PGLS: variants seen among roughly 807,000 people sequenced by gnomAD.
PGLS encodes the protein 6-phosphogluconolactonase, also known as epididymis secretory protein Li 304.
A neutral mutation model predicts 23.2 loss-of-function variants in PGLS; 21 were observed. The observed-to-expected ratio is 0.91, with a 90% CI of 0.64 to 1.31. The LOEUF is 1.31. Ranked by LOEUF, PGLS falls within the 50% of genes most tolerant of loss-of-function variation. The probability of loss-of-function intolerance (pLI) is 0.00; values close to 1 mark genes in which losing one functional copy is unlikely to be tolerated. For synonymous variants in PGLS, 179 were observed against 165.4 expected (o/e 1.08, Z -0.63); for missense variants, 410 against 354.0 (o/e 1.16, Z -1.27).
chr19:17,515,671 G>T (rs919987515), intron 1 of PGLS: 4 of 155,080 alleles, frequency 2.6e-5, no homozygotes, highest in Non-Finnish European at 4.3e-5. Flanking sequence ...GATGGAGAAG[G>T]TTACCCTTCT....
chr19:17,511,667 C>T lies in PGLS; in HGVS notation c.-6C>T. On this transcript the variant is annotated 5_prime_UTR_variant, in exon 1 of 5. Coordinates refer to ENST00000252603, the MANE Select transcript of PGLS (RefSeq NM_012088.3). ...GCGCTTCCTCCTCCCCGCCGCCGCC[C>T]TCGCCATGGCCGCGCCGGCCCCGGG... The T allele has an allele frequency of 6.8e-7, 1 of 1,477,250 alleles. No individual in the cohort carries two copies. The highest frequency in any genetic ancestry group is 1.3e-5 in the South Asian group (1 of 78,466). 91.5% of individuals were successfully genotyped at this position (1,477,250 alleles called of 1,614,324 possible).
rs1401098925 is a variant in PGLS, at chr19:17,512,041, G to A, written c.288+81G>A. 4.3e-6 allele frequency: 6 copies of A among 1,402,792 alleles called. No individual in the cohort carries two copies. In the Admixed American group the frequency reaches 1.3e-4, roughly 30 times the overall value. 86.9% of individuals were successfully genotyped at this position (1,402,792 alleles called of 1,614,324 possible). A position where few individuals can be genotyped will look rare whatever the true frequency, so the allele number is the denominator to read the frequency against. The stretch of plus-strand genomic sequence containing the variant: ...ACACCCCGGCTACGGAGGCCGCCGG[G>A]GGCCATGCCGAAAGGGCCGCGCCCA... On this transcript the variant is annotated intron_variant, in intron 1 of 4. Transcript: ENST00000252603.
chr19:17,512,017 C>T, intron 1 of PGLS, 57 bp downstream of exon 1: 2 of 1,476,484 alleles, frequency 1.4e-6, no homozygotes, highest in South Asian at 1.3e-5. Context: ...CCACCGCCTA[C>T]ACCCCGGCTA....
intron 1 of PGLS, among the ~76,000 whole-genome samples, chr19:17,515,198 C>T (rs534284744): frequency 2.6e-5 from 4 of 152,280 alleles, no homozygotes; most frequent in African/African-American, 4.8e-5. Flanking sequence ...ACTATGGATA[C>T]GATTGTGTCC....
chr19:17,516,870 G>A (rs1471102920), intron 2 of PGLS, among the ~76,000 whole-genome samples: 1 of 149,124 alleles, frequency 6.7e-6, no homozygotes, highest in Non-Finnish European at 1.5e-5. Context: ...ATAGGCGTGA[G>A]CCACCATGGG....
At chr19:17,518,000 G>C in intron 4 of PGLS, 150 bp downstream of exon 4, 12 of 304,320 alleles carry the variant, frequency 3.9e-5, no homozygotes, top group Middle Eastern at 9.2e-4. Flanking sequence ...ATTGCAATTA[G>C]AAAAAAAGGA....
intron 1 of PGLS, among the ~76,000 whole-genome samples, chr19:17,515,351 C>G (rs2075527667): frequency 6.6e-6 from 1 of 152,168 alleles, no homozygotes; most frequent in Non-Finnish European, 1.5e-5. Flanking sequence ...GAGCTAGACT[C>G]TGCACAAACA....
chr19:17,516,466 G>A, intron 2 of PGLS, 186 bp downstream of exon 2: 1 of 1,397,104 alleles, frequency 7.2e-7, no homozygotes, highest in East Asian at 2.7e-5. Context: ...CTCGGCCTCT[G>A]TTGCCCAGGT....
chr19:17,516,488 G>A lies in PGLS; in HGVS notation c.396+208G>A, dbSNP rs570399077. The A allele has an allele frequency of 2.9e-6, 4 of 1,376,932 alleles. No homozygotes were observed. The Admixed American group carries it at 9.0e-5, about 31-fold the overall frequency. The allele number at this position is 1,376,932 out of a possible 1,614,324, so 85.3% of individuals were successfully genotyped here. On this transcript the variant is annotated intron_variant, in intron 2 of 4. Transcript: ENST00000252603. The stretch of plus-strand genomic sequence containing the variant: ...TCTGTTGCCCAGGTAACAGGCCTGG[G>A]TCCTCACATCTTGGGGAAATATGAT...
intron 4 of PGLS, 113 bp downstream of exon 4, chr19:17,517,963 C>G: frequency 1.4e-6 from 1 of 739,004 alleles, no homozygotes; most frequent in South Asian, 2.7e-5. Context: ...AAAACTCAGT[C>G]ATTCTTGGGT....
chr19:17,512,030 G>GGGTGGCT, intron 1 of PGLS, 70 bp downstream of exon 1: 1 of 1,437,038 alleles, frequency 7.0e-7, no homozygotes, highest in Non-Finnish European at 9.2e-7. Context: ...CCCGGCTACG[G>GGGTGGCT]AGGCCGCCGG....
intron 1 of PGLS, 79 bp downstream of exon 1, chr19:17,512,039 G>A (rs1449729286): frequency 6.4e-6 from 9 of 1,406,016 alleles, no homozygotes; most frequent in Non-Finnish European, 6.6e-6. Flanking sequence ...GGAGGCCGCC[G>A]GGGGCCATGC....
At chr19:17,518,728 A>C (rs2075544746) in intron 4 of PGLS, 1 of 151,924 alleles carries the variant, frequency 6.6e-6, no homozygotes, top group Non-Finnish European at 1.5e-5. Flanking sequence ...AGGGGGTTTC[A>C]CCATGTTGGC....
chr19:17,516,550 G>A, intron 2 of PGLS: 2 of 1,189,634 alleles, frequency 1.7e-6, no homozygotes, highest in Non-Finnish European at 2.1e-6. Context: ...GCTACATTGA[G>A]CACTGTTTCC....
At chr19:17,519,811 G>A (rs2075549177) in intron 4 of PGLS, among the ~76,000 whole-genome samples, 1 of 152,172 alleles carries the variant, frequency 6.6e-6, no homozygotes, top group South Asian at 2.1e-4. Flanking sequence ...TGGATGGTCT[G>A]CAGAGCTTAA....
chr19:17,520,276 G>T (rs554025524), intron 4 of PGLS: 3 of 152,086 alleles, frequency 2.0e-5, no homozygotes, highest in Non-Finnish European at 2.9e-5. Flanking sequence ...GGCCAGGCGC[G>T]GTGGCTAACG....
chr19:17,515,199 G>A (rs2075526955), intron 1 of PGLS, among the ~76,000 whole-genome samples: 1 of 152,126 alleles, frequency 6.6e-6, no homozygotes, highest in African/African-American at 2.4e-5. Flanking sequence ...CTATGGATAC[G>A]ATTGTGTCCC....
At chr19:17,520,845 A>C (rs567764794) in intron 4 of PGLS, 99 bp from the exon 5 acceptor site, 1 of 1,331,084 alleles carries the variant, frequency 7.5e-7, no homozygotes, top group East Asian at 2.8e-5. Flanking sequence ...TTTTGAGGAT[A>C]CAAGAGTCTT....
At chr19:17,515,911 G>A (rs2075530195) in intron 1 of PGLS, 4 of 342,288 alleles carry the variant, frequency 1.2e-5, no homozygotes, top group Non-Finnish European at 2.3e-5. Context: ...GAGCAGCAGG[G>A]CTCCCTCTTG....
Sources: gnomAD v4.1 joint callset for allele counts (sites outside exome capture counted in the v4.1 genomes callset) on GRCh38, gnomAD v4.1.1 for gene constraint, MANE v1.5 for transcripts, NCBI Gene and HGNC (gene_info 2026-07-23, HGNC 2026-07-21) for gene names.